CNPY2: variants seen among roughly 807,000 people sequenced by gnomAD.
CNPY2 encodes the protein protein canopy homolog 2.
A neutral mutation model predicts 25.5 loss-of-function variants in CNPY2; 19 were observed. The ratio of observed to expected loss-of-function variants is 0.74; its 90% confidence interval spans 0.52 to 1.09. CNPY2 has a LOEUF of 1.09. CNPY2 is among the 50% of genes least tolerant of loss of function. The pLI is 0.00. For synonymous variants in CNPY2, 82 were observed against 85.0 expected, an observed-to-expected ratio of 0.96 and a Z score of 0.19; for missense variants, 214 against 233.6, an observed-to-expected ratio of 0.92 and a Z score of 0.55.
intron 3 of CNPY2, chr12:56,314,626 C>T (rs1021164555): frequency 3.3e-5 from 46 of 1,406,544 alleles, no homozygotes; most frequent in African/African-American, 4.3e-5. Flanking sequence ...ATCAGGACTC[C>T]CTGTTTGCTA....
intron 3 of CNPY2, among the ~76,000 whole-genome samples, chr12:56,313,865 C>T (rs191991256): frequency 1.3e-5 from 2 of 150,040 alleles, no homozygotes; most frequent in African/African-American, 4.9e-5. Context: ...CTCAGCCTCC[C>T]AAAGTGCTGG....
intron 3 of CNPY2, chr12:56,312,723 C>T (rs1873758578): frequency 6.6e-6 from 1 of 152,062 alleles, no homozygotes; most frequent in Admixed American, 6.6e-5. Context: ...AGGCATGTGC[C>T]ACCACGCCCA....
Position 56,314,927 on chromosome 12 carries a change from G to T in CNPY2, c.128C>A (p.Ala43Asp). 1 of 1,614,198 alleles carries T rather than the reference G, an allele frequency of 6.2e-7. No homozygotes were observed. The change falls in exon 3 of 6, where the codon GCC becomes GAC. Residue 43 changes from alanine (A) to aspartate (D), a missense_variant. Physicochemically the swap from Ala to Asp is moderately radical, Grantham distance 126. Transcript: ENST00000273308. ...ALVDELEWEI[A>D]QVDPKKTIQM... The stretch of plus-strand genomic sequence containing the variant: ...AATGGTCTTCTTGGGGTCCACCTGG[G>T]CAATTTCCCATTCTAGTTCATCCAC...
In CNPY2 at chr12:56,310,353, A is replaced by G; in HGVS notation, c.*199T>C. ...CCAAAACTCTTCTTTCTCCTCCATTATCTTTCCTGTCTATATAACTCCTTA... is the reference window on the plus strand; with the variant it reads ...CCAAAACTCTTCTTTCTCCTCCATTGTCTTTCCTGTCTATATAACTCCTTA... On this transcript the variant is annotated 3_prime_UTR_variant, in exon 6 of 6. Coordinates refer to ENST00000273308, the MANE Select transcript of CNPY2 (RefSeq NM_014255.7). The G allele has an allele frequency of 1.6e-6, 1 of 613,356 alleles. No homozygotes were observed. The highest frequency in any genetic ancestry group is 2.9e-6 in the Non-Finnish European group (1 of 347,288). 38.0% of individuals were successfully genotyped at this position (613,356 alleles called of 1,614,324 possible). A position where few individuals can be genotyped will look rare whatever the true frequency, so the allele number is the denominator to read the frequency against.
chr12:56,314,862 A>G lies in CNPY2; in HGVS notation c.193T>C (p.Ser65Pro). 6.2e-7 allele frequency: 1 copy of G among 1,614,192 alleles called. No individual in the cohort carries two copies. The highest frequency in any genetic ancestry group is 8.5e-7 in the Non-Finnish European group (1 of 1,180,042). The change falls in exon 3 of 6, where the codon TCA becomes CCA. Residue 65 changes from serine to proline, a missense_variant. Ser to Pro is a moderately conservative substitution (Grantham distance 74, BLOSUM62 -1). Coordinates refer to ENST00000273308, the MANE Select transcript of CNPY2 (RefSeq NM_014255.7). ...SFRINPDGSQ[S>P]VVEVPYARSE... The stretch of plus-strand genomic sequence containing the variant: ...ACAGTAACAGTTACCTCCACCACTG[A>G]CTGGCTGCCATCTGGATTGATCCGG...
intron 3 of CNPY2, among the ~76,000 whole-genome samples, chr12:56,313,618 T>C (rs1775673760): frequency 6.6e-6 from 1 of 151,872 alleles, no homozygotes; most frequent in African/African-American, 2.4e-5. Context: ...TTTCTTTTTT[T>C]TTTTTTGAGA....
Position 56,310,533 on chromosome 12 carries a change from TGTGGGCTGCTCCAGTGGTTCATA to T in CNPY2, c.545_*18del. 6.2e-7 allele frequency: 1 copy of T among 1,613,856 alleles called. No homozygotes were observed. The highest frequency in any genetic ancestry group is 8.5e-7 in the Non-Finnish European group (1 of 1,179,708). On this transcript the variant is annotated stop_lost and 3_prime_UTR_variant, in exon 6 of 6. Coordinates refer to ENST00000273308, the MANE Select transcript of CNPY2 (RefSeq NM_014255.7). The stretch of plus-strand genomic sequence containing the variant: ...TCCTGGGGGTGATCCATCAAGCCAG[TGTGGGCTGCTCCAGTGGTTCATA>T]GCTCATCATGCGATATGTGCAGGGC...
At chr12:56,312,222 C>CTTTTTTTTTTTTTTT (rs56822059) in intron 3 of CNPY2, among the ~76,000 whole-genome samples, 12 of 135,920 alleles carry the variant, frequency 8.8e-5, no homozygotes, top group East Asian at 2.1e-4. Context: ...CAAAGTACTT[C>CTTTTTTTTTTTTTTT]TTTTTTTTTT....
At chr12:56,312,219 C>CTTTTT (rs1873739981) in intron 3 of CNPY2, among the ~76,000 whole-genome samples, 7 of 72,614 alleles carry the variant, frequency 9.6e-5, no homozygotes, top group African/African-American at 3.1e-4. Flanking sequence ...TTTCAAAGTA[C>CTTTTT]TTCTTTTTTT....
chr12:56,315,318 C>T, intron 1 of CNPY2, 76 bp from the exon 2 acceptor site: 1 of 814,848 alleles, frequency 1.2e-6, no homozygotes, highest in Non-Finnish European at 2.0e-6. Flanking sequence ...ATCCTCACCC[C>T]AAGGCTTTCA....
Position 56,310,191 on chromosome 12 carries a change from C to CCTCTTTAGAG in CNPY2, c.*360_*361insCTCTAAAGAG, listed in dbSNP as rs1214692596. 1 of 604,950 alleles carries CCTCTTTAGAG rather than the reference C, an allele frequency of 1.7e-6. No homozygotes were observed. Among genetic ancestry groups the CCTCTTTAGAG allele is most frequent in the African/African-American group, 1.9e-5 (1 of 53,950 alleles). The allele number at this position is 604,950 out of a possible 1,614,324, so 37.5% of individuals were successfully genotyped here. On this transcript the variant is annotated 3_prime_UTR_variant, in exon 6 of 6. Coordinates refer to ENST00000273308, the MANE Select transcript of CNPY2 (RefSeq NM_014255.7). ...GCTTCCTCATGGAGGTTCCTCTATT[C>CCTCTTTAGAG]TCCACAATTAGACTCTAAAGACGTG...
Position 56,315,241 on chromosome 12 carries a change from A to T in CNPY2, c.-24T>A, listed in dbSNP as rs776743465. ...ATCTTTAGCGTAATGGGGTCGCTCCACCTGGGTTTGAGTGGGAATAAAACA... is the reference window on the plus strand; with the variant it reads ...ATCTTTAGCGTAATGGGGTCGCTCCTCCTGGGTTTGAGTGGGAATAAAACA... On this transcript the variant is annotated splice_region_variant and 5_prime_UTR_variant, in exon 2 of 6. Coordinates refer to ENST00000273308, the MANE Select transcript of CNPY2 (RefSeq NM_014255.7). The T allele has an allele frequency of 2.5e-6, 4 of 1,595,366 alleles. No homozygotes were observed. In the East Asian group the frequency reaches 6.7e-5, roughly 27 times the overall value.
At chr12:56,314,414 T>C (rs567702848) in intron 3 of CNPY2, 4 of 1,051,082 alleles carry the variant, frequency 3.8e-6, no homozygotes, top group Non-Finnish European at 4.6e-6. Flanking sequence ...CTGCCTTATA[T>C]ATTGCTTATT....
chr12:56,312,532 C>A (rs1045836349), intron 3 of CNPY2: 4 of 150,836 alleles, frequency 2.7e-5, no homozygotes, highest in Non-Finnish European at 4.4e-5. Context: ...GTAGTTTCAA[C>A]TATATGATTT....
chr12:56,309,860 T>A lies in CNPY2; in HGVS notation c.*692A>T, dbSNP rs1466704216. 7.1e-6 allele frequency: 5 copies of A among 701,000 alleles called. No homozygotes were observed. The highest frequency in any genetic ancestry group is 1.3e-5 in the Non-Finnish European group (5 of 384,314). 43.4% of individuals were successfully genotyped at this position (701,000 alleles called of 1,614,324 possible). A position where few individuals can be genotyped will look rare whatever the true frequency, so the allele number is the denominator to read the frequency against. ...GACAATGGCTAGTGATAGATACACT[T>A]TATTGTTGCCACTGGCATCAAATTT... On this transcript the variant is annotated 3_prime_UTR_variant, in exon 6 of 6. Coordinates refer to ENST00000273308, the MANE Select transcript of CNPY2 (RefSeq NM_014255.7).
chr12:56,316,288 T>G (rs1592424609), upstream of CNPY2: 2 of 152,608 alleles, frequency 1.3e-5, no homozygotes, highest in South Asian at 2.1e-4. Context: ...CCAGCCCAGG[T>G]GGGCTAGGAC....
Position 56,310,306 on chromosome 12 carries a change from C to T in CNPY2, c.*246G>A. 2 of 599,574 alleles carry T rather than the reference C, an allele frequency of 3.3e-6. No individual in the cohort carries two copies. The highest frequency in any genetic ancestry group is 2.1e-5 in the South Asian group (1 of 47,902). 37.1% of individuals were successfully genotyped at this position (599,574 alleles called of 1,614,324 possible). A position where few individuals can be genotyped will look rare whatever the true frequency, so the allele number is the denominator to read the frequency against. On this transcript the variant is annotated 3_prime_UTR_variant, in exon 6 of 6. Coordinates refer to ENST00000273308, the MANE Select transcript of CNPY2 (RefSeq NM_014255.7). Reference sequence around the variant, plus strand: ...GAAGAATTAAAGGTTCAGGCCTCTCCTACCTTTATCCTGTATCAATCCCAA... The same window carrying T: ...GAAGAATTAAAGGTTCAGGCCTCTCTTACCTTTATCCTGTATCAATCCCAA...
In CNPY2 at chr12:56,312,222, C is replaced by CTTTTTTTTTTTTTTTTT. The variant is rs56822059; in HGVS notation, c.205-825_205-809dup. Among the ~76,000 whole-genome samples, 6 of 135,926 alleles carry CTTTTTTTTTTTTTTTTT rather than the reference C, an allele frequency of 4.4e-5. 1 individual carries two copies. The highest frequency in any genetic ancestry group is 1.2e-4 in the African/African-American group (4 of 32,766). The allele number at this position is 135,926 out of a possible 152,430, so 89.2% of individuals were successfully genotyped here. A position where few individuals can be genotyped will look rare whatever the true frequency, so the allele number is the denominator to read the frequency against. On this transcript the variant is annotated intron_variant, in intron 3 of 5. Transcript: ENST00000273308. ...TTTACTTGATAGTTTCAAAGTACTT[C>CTTTTTTTTTTTTTTTTT]TTTTTTTTTTTTTTTTTTTTTTTTT...
intron 3 of CNPY2, chr12:56,314,422 A>G (rs1873817849): frequency 1.9e-6 from 2 of 1,059,688 alleles, no homozygotes; most frequent in African/African-American, 3.4e-5. Flanking sequence ...TATATTGCTT[A>G]TTAGATACAC....
Sources: allele counts gnomAD v4.1 joint callset (sites outside exome capture counted in the v4.1 genomes callset), GRCh38; gene constraint gnomAD v4.1.1; transcripts MANE v1.5; gene names NCBI Gene and HGNC (gene_info 2026-07-23, HGNC 2026-07-21).